The following KCNN3 variants were observed in gnomAD, a reference collection of about 807,000 sequenced individuals.
KCNN3 encodes the protein small conductance calcium-activated potassium channel protein 3.
A neutral mutation model predicts 62.9 loss-of-function variants in KCNN3; 16 were observed. The ratio of observed to expected loss-of-function variants is 0.25; its 90% CI spans 0.17 to 0.39. The LOEUF (loss-of-function observed/expected upper bound fraction) is 0.39, where lower values mean the gene tolerates loss of function less well. Ranked by LOEUF, KCNN3 falls within the 10% of genes least tolerant of loss-of-function variation. The pLI is 1.00. For missense variants in KCNN3, 599 were observed against 949.4 expected (o/e 0.63, Z 4.85); for synonymous variants, 370 against 389.2 (o/e 0.95, Z 0.58).
At chr1:154,798,736 TA>T (rs1649835573) in intron 2 of KCNN3, among the ~76,000 whole-genome samples, 1 of 152,120 alleles carries the variant, frequency 6.6e-6, no homozygotes, top group East Asian at 1.9e-4. Flanking sequence ...CTTTGCAGAT[TA>T]GGGGCACGAG....
At chr1:154,735,313 T>C (rs867114018) in intron 3 of KCNN3, among the ~76,000 whole-genome samples, 3 of 152,140 alleles carry the variant, frequency 2.0e-5, no homozygotes, top group South Asian at 2.1e-4. Flanking sequence ...CCAGCCCCAC[T>C]TGAGTCCTTG....
At chr1:154,761,940 A>G (rs1648037110) in intron 3 of KCNN3, among the ~76,000 whole-genome samples, 1 of 150,474 alleles carries the variant, frequency 6.6e-6, no homozygotes, top group Non-Finnish European at 1.5e-5. Context: ...ACTCCGCATC[A>G]AAAACAAACA....
At chr1:154,723,664 C>T (rs1700403293) in intron 5 of KCNN3, among the ~76,000 whole-genome samples, 1 of 152,100 alleles carries the variant, frequency 6.6e-6, no homozygotes, top group South Asian at 2.1e-4. Context: ...AAAGAATATT[C>T]TTGGCTTAAA....
At chr1:154,791,197 C>A (rs1394390614) in intron 2 of KCNN3, among the ~76,000 whole-genome samples, 1 of 148,696 alleles carries the variant, frequency 6.7e-6, no homozygotes, top group African/African-American at 2.5e-5. Flanking sequence ...CCACCGCACT[C>A]CAGCCTGGGT....
chr1:154,835,634 G>T (rs1247059151), intron 1 of KCNN3, among the ~76,000 whole-genome samples: 1 of 152,206 alleles, frequency 6.6e-6, no homozygotes, highest in African/African-American at 2.4e-5. Context: ...CATGTGCCTT[G>T]CTTGCTTTAA....
intron 4 of KCNN3, among the ~76,000 whole-genome samples, chr1:154,731,399 C>T (rs566530224): frequency 6.6e-6 from 1 of 152,212 alleles, no homozygotes; most frequent in Non-Finnish European, 1.5e-5. Context: ...CTAATAGGGA[C>T]CTGCCCTGGA....
intron 1 of KCNN3, among the ~76,000 whole-genome samples, chr1:154,846,426 C>T (rs1216427325): frequency 6.6e-6 from 1 of 152,216 alleles, no homozygotes; most frequent in Non-Finnish European, 1.5e-5. Flanking sequence ...GATTAGGCAG[C>T]AGCATACTGA....
At chr1:154,802,980 C>T (rs529425897) in intron 2 of KCNN3, among the ~76,000 whole-genome samples, 4 of 152,182 alleles carry the variant, frequency 2.6e-5, no homozygotes, top group Non-Finnish European at 5.9e-5. Context: ...CTTTTCACGC[C>T]GTGCATGACA....
At chr1:154,776,459 G>T (rs1648794978) in intron 2 of KCNN3, among the ~76,000 whole-genome samples, 1 of 152,118 alleles carries the variant, frequency 6.6e-6, no homozygotes. Context: ...GAGTTTTCAG[G>T]CTGCAGGTTA....
intron 3 of KCNN3, among the ~76,000 whole-genome samples, chr1:154,758,931 G>A (rs559535999): frequency 1.2e-4 from 19 of 152,012 alleles, no homozygotes; most frequent in Middle Eastern, 3.4e-3. Context: ...CCTCGGCCTC[G>A]TGAGTAGCTG....
chr1:154,805,046 G>T (rs956473682), intron 2 of KCNN3, among the ~76,000 whole-genome samples: 1 of 152,226 alleles, frequency 6.6e-6, no homozygotes, highest in Non-Finnish European at 1.5e-5. Context: ...CAAGAGGGGC[G>T]TGAGAGATGC....
In KCNN3 at chr1:154,707,860, G is replaced by A. The variant is rs1334099287; in HGVS notation, c.*116C>T. 2.6e-6 allele frequency: 3 copies of A among 1,175,030 alleles called. No homozygotes were observed. The highest frequency in any genetic ancestry group is 3.6e-6 in the Non-Finnish European group (3 of 823,080). The allele number at this position is 1,175,030 out of a possible 1,614,324, so 72.8% of individuals were successfully genotyped here. ...TGAACATGAGTTAGTTAATTAGCTC[G>A]GTCTCTCTTCTTTCCGTTCCCTGGT... On this transcript the variant is annotated 3_prime_UTR_variant, in exon 8 of 8. Transcript: ENST00000271915.
In KCNN3 at chr1:154,788,413, G is replaced by C. The variant is rs1220502274; in HGVS notation, c.1030-16020C>G. On this transcript the variant is annotated intron_variant, in intron 2 of 7. Transcript: ENST00000271915. ...TATTAAAGCTTCTGAGACTTCTAAA[G>C]AAAAGAAAACAAGTCGGCTTTGAAA... Among the ~76,000 whole-genome samples, 3 of 152,316 alleles carry C rather than the reference G, an allele frequency of 2.0e-5. No homozygotes were observed. In the East Asian group the frequency reaches 5.8e-4, roughly 29 times the overall value.
chr1:154,834,270 A>G (rs985299320), intron 1 of KCNN3, among the ~76,000 whole-genome samples: 7 of 152,222 alleles, frequency 4.6e-5, no homozygotes, highest in African/African-American at 1.7e-4. Context: ...AAGCATGTTC[A>G]TCTGAGAGCC....
intron 1 of KCNN3, among the ~76,000 whole-genome samples, chr1:154,830,947 T>C (rs1468997394): frequency 1.3e-5 from 2 of 152,212 alleles, no homozygotes; most frequent in African/African-American, 4.8e-5. Flanking sequence ...GGAGATGGTT[T>C]CCTTTATAAG....
intron 6 of KCNN3, among the ~76,000 whole-genome samples, chr1:154,714,251 T>C (rs1700158717): frequency 7.5e-6 from 1 of 133,206 alleles, no homozygotes; most frequent in Non-Finnish European, 1.6e-5. Context: ...GTGTGTATGG[T>C]GTGTGTGATG....
At chr1:154,837,564 C>A (rs1366807687) in intron 1 of KCNN3, among the ~76,000 whole-genome samples, 3 of 152,136 alleles carry the variant, frequency 2.0e-5, no homozygotes, top group African/African-American at 7.2e-5. Flanking sequence ...AGGAAGGCAG[C>A]AGAACGAGTG....
At chr1:154,722,683 C>T (rs1424067449) in intron 5 of KCNN3, among the ~76,000 whole-genome samples, 6 of 151,688 alleles carry the variant, frequency 4.0e-5, no homozygotes, top group South Asian at 2.1e-4. Flanking sequence ...TGAGCCACCG[C>T]GCCCGGCCAA....
intron 3 of KCNN3, among the ~76,000 whole-genome samples, chr1:154,751,391 A>T (rs1180996620): frequency 6.6e-6 from 1 of 152,216 alleles, no homozygotes; most frequent in Non-Finnish European, 1.5e-5. Context: ...CTTTCCAGAC[A>T]GGAGGCCTGT....
Sources: gnomAD v4.1 joint callset for allele counts (sites outside exome capture counted in the v4.1 genomes callset) on GRCh38, gnomAD v4.1.1 for gene constraint, MANE v1.5 for transcripts, NCBI Gene and HGNC (gene_info 2026-07-23, HGNC 2026-07-21) for gene names.